ST18: variants seen among roughly 807,000 people sequenced by gnomAD.
The protein encoded by ST18 is suppression of tumorigenicity 18 protein.
Under a neutral mutation model 110.0 loss-of-function variants are expected in ST18, and 50 were observed. The ratio of observed to expected loss-of-function variants is 0.45; its 90% CI spans 0.36 to 0.58. The LOEUF (loss-of-function observed/expected upper bound fraction) is 0.58. Among genes scored for constraint, ST18 ranks in the 20% least tolerant of loss-of-function variants. The pLI, the probability that ST18 is intolerant of heterozygous loss-of-function variation, is 0.00. For synonymous variants in ST18, 461 were observed against 452.4 expected (o/e 1.02, Z -0.24); for missense variants, 1,306 against 1,280.1 (o/e 1.02, Z -0.31).
At chr8:52,186,242 T>G (rs571622649) in intron 8 of ST18, among the ~76,000 whole-genome samples, 18 of 152,312 alleles carry the variant, frequency 1.2e-4, no homozygotes, top group Admixed American at 2.6e-4. Flanking sequence ...AAAGACAGAC[T>G]GCCAATTTTA....
intron 8 of ST18, among the ~76,000 whole-genome samples, chr8:52,204,877 T>C (rs922688755): frequency 2.6e-5 from 4 of 152,152 alleles, no homozygotes; most frequent in African/African-American, 7.2e-5. Context: ...GCCACCAATA[T>C]CCTTGTGATA....
At chr8:52,185,897 A>T (rs1269441107) in intron 8 of ST18, among the ~76,000 whole-genome samples, 4 of 152,202 alleles carry the variant, frequency 2.6e-5, no homozygotes, top group South Asian at 4.1e-4. Flanking sequence ...CAAGCAGTTT[A>T]TAAACAACAC....
At chr8:52,331,823 A>G (rs1239694984) in intron 2 of ST18, among the ~76,000 whole-genome samples, 1 of 152,170 alleles carries the variant, frequency 6.6e-6, no homozygotes, top group Non-Finnish European at 1.5e-5. Flanking sequence ...TCAATTACCT[A>G]TAATAATTGA....
chr8:52,343,087 C>G (rs1815903027), intron 2 of ST18, among the ~76,000 whole-genome samples: 1 of 151,958 alleles, frequency 6.6e-6, no homozygotes, highest in Non-Finnish European at 1.5e-5. Context: ...GCAGGTGCAG[C>G]GTTTGTCAGC....
At chr8:52,173,887 T>C (rs1420482475) in intron 9 of ST18, among the ~76,000 whole-genome samples, 2 of 152,190 alleles carry the variant, frequency 1.3e-5, no homozygotes, top group African/African-American at 2.4e-5. Flanking sequence ...AGACAATGTG[T>C]CTTTTTGGTC....
At chr8:52,139,484 T>G (rs1327423056) in intron 17 of ST18, among the ~76,000 whole-genome samples, 1 of 152,096 alleles carries the variant, frequency 6.6e-6, no homozygotes, top group Non-Finnish European at 1.5e-5. Flanking sequence ...GCCTCCCGAA[T>G]AGCTTGGATT....
chr8:52,121,220 G>A (rs2044661891), intron 23 of ST18, among the ~76,000 whole-genome samples: 1 of 152,142 alleles, frequency 6.6e-6, no homozygotes, highest in Non-Finnish European at 1.5e-5. Context: ...TTTGGAAGAT[G>A]CCTAATAACA....
At chr8:52,389,986 G>C (rs1323691287) in intron 2 of ST18, among the ~76,000 whole-genome samples, 1 of 152,128 alleles carries the variant, frequency 6.6e-6, no homozygotes, top group African/African-American at 2.4e-5. Context: ...TATCTGGAGA[G>C]ACATGCTTTA....
At chr8:52,339,053 G>A (rs77298753) in intron 2 of ST18, among the ~76,000 whole-genome samples, 4 of 152,098 alleles carry the variant, frequency 2.6e-5, no homozygotes, top group Admixed American at 6.5e-5. Flanking sequence ...AAGTGGCTGG[G>A]TTCTCTGCTT....
chr8:52,258,494 C>G (rs577419067), intron 2 of ST18, among the ~76,000 whole-genome samples: 7 of 152,170 alleles, frequency 4.6e-5, no homozygotes, highest in Non-Finnish European at 1.0e-4. Flanking sequence ...TTACACTTCT[C>G]TTGTTAAATT....
At chr8:52,203,358 AC>A (rs2078687918) in intron 8 of ST18, among the ~76,000 whole-genome samples, 5 of 152,152 alleles carry the variant, frequency 3.3e-5, no homozygotes, top group Non-Finnish European at 5.9e-5. Context: ...TTTCCACCAC[AC>A]AAACTCTTGG....
chr8:52,341,017 G>A (rs1814721284), intron 2 of ST18, among the ~76,000 whole-genome samples: 1 of 152,144 alleles, frequency 6.6e-6, no homozygotes, highest in African/African-American at 2.4e-5. Flanking sequence ...GAGTGAATGA[G>A]ATTGGCAGTT....
At chr8:52,265,567 G>A (rs1458209066) in intron 2 of ST18, among the ~76,000 whole-genome samples, 2 of 152,114 alleles carry the variant, frequency 1.3e-5, no homozygotes, top group Non-Finnish European at 2.9e-5. Context: ...GAAGAAGTAT[G>A]GTCTATTCAG....
In ST18 at chr8:52,287,851, A is replaced by G. The variant is rs1407497983; in HGVS notation, c.-464-57774T>C. On this transcript the variant is annotated intron_variant, in intron 2 of 25. Transcript: ENST00000689386. ...ATTCCCACCTATTACGTCTTAATTT[A>G]CACTAATTTTACCGGAGTCAATTCA... 2.0e-5 allele frequency among the ~76,000 whole-genome samples: 3 copies of G among 152,178 alleles called. No individual in the cohort carries two copies. The East Asian group carries it at 5.8e-4, about 29-fold the overall frequency.
chr8:52,361,766 A>T (rs1825842828), intron 2 of ST18, among the ~76,000 whole-genome samples: 3 of 151,210 alleles, frequency 2.0e-5, no homozygotes, highest in Admixed American at 1.3e-4. Flanking sequence ...TTAATTATTT[A>T]AAAAATGCGT....
At chr8:52,148,594 T>C (rs1310238528) in intron 16 of ST18, among the ~76,000 whole-genome samples, 1 of 151,760 alleles carries the variant, frequency 6.6e-6, no homozygotes, top group Non-Finnish European at 1.5e-5. Context: ...TTCATTGCTG[T>C]ATCTCCAGGT....
intron 4 of ST18, among the ~76,000 whole-genome samples, chr8:52,221,163 T>G (rs2086590540): frequency 6.6e-6 from 1 of 152,056 alleles, no homozygotes; most frequent in South Asian, 2.1e-4. Flanking sequence ...CTTCTTCAAT[T>G]TAGTTGGGAA....
intron 25 of ST18, 96 bp downstream of exon 25, chr8:52,116,179 C>T: frequency 7.0e-7 from 1 of 1,418,500 alleles, no homozygotes; most frequent in Non-Finnish European, 9.5e-7. Context: ...GCTCACAGGT[C>T]TCCTCAAAGC....
intron 2 of ST18, among the ~76,000 whole-genome samples, chr8:52,272,712 A>T (rs556534815): frequency 6.6e-6 from 1 of 152,202 alleles, no homozygotes; most frequent in Non-Finnish European, 1.5e-5. Flanking sequence ...CCAGCAATCC[A>T]TCTTCTGGGT....
Sources: gnomAD v4.1 joint callset for allele counts (sites outside exome capture counted in the v4.1 genomes callset) on GRCh38, gnomAD v4.1.1 for gene constraint, MANE v1.5 for transcripts, NCBI Gene and HGNC (gene_info 2026-07-23, HGNC 2026-07-21) for gene names.